SPATA17: variants seen among roughly 807,000 people sequenced by gnomAD.
SPATA17 encodes the protein spermatogenesis associated 17, also known as spermatogenesis-associated protein 17.
Under a neutral mutation model 62.2 loss-of-function variants are expected in SPATA17, and 53 were observed. That is an observed-to-expected ratio of 0.85 (90% CI 0.68 to 1.07). The LOEUF (loss-of-function observed/expected upper bound fraction) is 1.07, where lower values mean the gene tolerates loss of function less well. Ranked by LOEUF, SPATA17 falls within the 50% of genes least tolerant of loss-of-function variation. SPATA17 has a pLI of 0.00. For synonymous variants in SPATA17, 146 were observed against 146.8 expected (o/e 0.99, Z 0.04); for missense variants, 466 against 425.5 (o/e 1.10, Z -0.84).
At chr1:217,707,296 A>C (rs985210718) in intron 5 of SPATA17, among the ~76,000 whole-genome samples, 28 of 152,190 alleles carry the variant, frequency 1.8e-4, no homozygotes, top group African/African-American at 6.0e-4. Flanking sequence ...AACTTTGCTG[A>C]AGTTGTTATC....
At chr1:217,721,125 G>T (rs1266920021) in intron 5 of SPATA17, among the ~76,000 whole-genome samples, 1 of 152,046 alleles carries the variant, frequency 6.6e-6, no homozygotes, top group Admixed American at 6.6e-5. Context: ...TAATATTCTT[G>T]GTATATTCTT....
chr1:217,689,903 T>C (rs1360327061), intron 5 of SPATA17, among the ~76,000 whole-genome samples: 5 of 151,954 alleles, frequency 3.3e-5, no homozygotes, highest in African/African-American at 4.8e-5. Context: ...CAGTTTTTCT[T>C]TTTCTTTTTT....
chr1:217,655,879 A>T (rs1255580878), intron 3 of SPATA17, among the ~76,000 whole-genome samples: 1 of 152,126 alleles, frequency 6.6e-6, no homozygotes, highest in African/African-American at 2.4e-5. Context: ...AGTAATGAGC[A>T]CCTTTAGTCC....
chr1:217,742,032 C>G lies in SPATA17; in HGVS notation c.453C>G (p.Leu151=), dbSNP rs1051633224. The part of the protein sequence containing the change: ...MKEREEKKAN[L]EREEKKRDYQ... ...AAAGAGAAGAGAAGAAGGCTAACCT[C>G]GAAAGGGAAGAGAAGAAAAGAGATT... is the stretch of plus-strand genomic sequence containing the variant. The change falls in exon 6 of 11, where the codon CTC becomes CTG. Residue 151 remains leucine, a synonymous_variant. Transcript: ENST00000366933. The G allele has an allele frequency of 6.2e-7, 1 of 1,613,822 alleles. No homozygotes were observed. Among genetic ancestry groups the G allele is most frequent in the Non-Finnish European group, 8.5e-7 (1 of 1,179,984 alleles).
chr1:217,679,405 GC>G (rs1671024054), intron 4 of SPATA17, among the ~76,000 whole-genome samples: 1 of 152,074 alleles, frequency 6.6e-6, no homozygotes, highest in Non-Finnish European at 1.5e-5. Context: ...GAGAATAAAA[GC>G]AGTTAGCATA....
At chr1:217,863,928 T>G (rs1259125852) in intron 10 of SPATA17, among the ~76,000 whole-genome samples, 1 of 152,146 alleles carries the variant, frequency 6.6e-6, no homozygotes, top group East Asian at 1.9e-4. Flanking sequence ...CACTAGGCTG[T>G]TAGAGCACAG....
At chr1:217,812,762 G>C (rs1366212934) in intron 9 of SPATA17, among the ~76,000 whole-genome samples, 1 of 152,170 alleles carries the variant, frequency 6.6e-6, no homozygotes, top group Non-Finnish European at 1.5e-5. Context: ...CCTTTTGGTT[G>C]TCAAAACATT....
In SPATA17 at chr1:217,782,261, T is replaced by G; in HGVS notation, c.811T>G (p.Leu271Val). The stretch of plus-strand genomic sequence containing the variant: ...GCGGGTGGCAGAACCAATCGATGAG[T>G]TAAAGTTGGCCAGAGAGGAGCTCAG... ...TLRVAEPIDE[L>V]KLAREELRRE... Residue 271 changes from leucine (L) to valine (V), a missense_variant, in exon 8 of 11, where the codon TTA becomes GTA. Transcript: ENST00000366933. 1 of 1,612,000 alleles carries G rather than the reference T, an allele frequency of 6.2e-7. No individual in the cohort carries two copies. The highest frequency in any genetic ancestry group is 8.5e-7 in the Non-Finnish European group (1 of 1,178,944).
intron 9 of SPATA17, among the ~76,000 whole-genome samples, chr1:217,861,216 G>T (rs1161245950): frequency 6.6e-6 from 1 of 151,632 alleles, no homozygotes; most frequent in Admixed American, 6.6e-5. Context: ...TATCTTTTAG[G>T]TCAACTAAGA....
At chr1:217,832,513 AAGCATTTG>A (rs1303908597) in intron 9 of SPATA17, among the ~76,000 whole-genome samples, 5 of 152,156 alleles carry the variant, frequency 3.3e-5, no homozygotes, top group African/African-American at 1.2e-4. Flanking sequence ...ATCAAATGTT[AAGCATTTG>A]GTGTTCTATG....
At chr1:217,853,136 C>T (rs951482795) in intron 9 of SPATA17, among the ~76,000 whole-genome samples, 3 of 151,966 alleles carry the variant, frequency 2.0e-5, no homozygotes, top group Non-Finnish European at 2.9e-5. Context: ...TGTTTATAAA[C>T]AAATCCTTCA....
chr1:217,864,760 C>CT (rs1187115899), intron 10 of SPATA17, among the ~76,000 whole-genome samples: 1 of 152,048 alleles, frequency 6.6e-6, no homozygotes, highest in Non-Finnish European at 1.5e-5. Flanking sequence ...TTGCTCTACT[C>CT]TATCAATTAC....
At chr1:217,850,928 T>G (rs951617518) in intron 9 of SPATA17, among the ~76,000 whole-genome samples, 2 of 152,130 alleles carry the variant, frequency 1.3e-5, no homozygotes, top group African/African-American at 4.8e-5. Context: ...GGTATGATTA[T>G]GCACCATAGG....
rs1558045386 is a variant in SPATA17 at position 217,774,461 on chromosome 1, A to G, written c.647A>G (p.Asp216Gly). The change falls in exon 7 of 11, where the codon GAT (aspartate) becomes GGT (glycine). Residue 216 changes from aspartate (D) to glycine (G), a missense_variant. Coordinates refer to ENST00000366933, the MANE Select transcript of SPATA17 (RefSeq NM_138796.4). ...VKQKDSTSLTDWLACTSARSF... is the reference protein window; with the variant it reads ...VKQKDSTSLTGWLACTSARSF... ...CAGAAGGACTCCACCAGCCTTACTG[A>G]TTGGCTAGCTTGTACAAGCGCCCGT... 6.2e-7 allele frequency: 1 copy of G among 1,614,104 alleles called. No homozygotes were observed. Among genetic ancestry groups the G allele is most frequent in the East Asian group, 2.2e-5 (1 of 44,860 alleles).
chr1:217,637,540 T>A (rs1020449056), intron 1 of SPATA17, among the ~76,000 whole-genome samples: 27 of 152,176 alleles, frequency 1.8e-4, no homozygotes, highest in African/African-American at 6.3e-4. Flanking sequence ...GTTCCTTAAG[T>A]TGTCCTGATT....
intron 5 of SPATA17, among the ~76,000 whole-genome samples, chr1:217,690,569 A>T (rs2102911720): frequency 7.1e-6 from 1 of 140,412 alleles, no homozygotes; most frequent in African/African-American, 2.6e-5. Flanking sequence ...TACATGTGCC[A>T]TGCTGGTGCG....
chr1:217,661,674 AATTTGCCT>A (rs1670573553), intron 3 of SPATA17, among the ~76,000 whole-genome samples: 1 of 152,000 alleles, frequency 6.6e-6, no homozygotes, highest in Non-Finnish European at 1.5e-5. Context: ...ACATAACCCA[AATTTGCCT>A]ATCTTAGGGG....
rs188622236 is a variant in SPATA17 at position 217,685,950 on chromosome 1, T to C, written c.395+2589T>C. 1.5e-4 allele frequency among the ~76,000 whole-genome samples: 23 copies of C among 152,302 alleles called. No homozygotes were observed. In the East Asian group the frequency reaches 4.0e-3, roughly 27 times the overall value. ...ACTTGTTCTATTTTATTTTTTGTTA[T>C]TGATGCTAATCTCTTACTGTGCCTA... On this transcript the variant is annotated intron_variant, in intron 5 of 10. Coordinates refer to ENST00000366933, the MANE Select transcript of SPATA17 (RefSeq NM_138796.4).
intron 9 of SPATA17, among the ~76,000 whole-genome samples, chr1:217,840,640 T>C (rs1310499364): frequency 1.3e-5 from 2 of 151,952 alleles, no homozygotes; most frequent in African/African-American, 4.8e-5. Context: ...GGCAGATCGA[T>C]TGAGCCCAGG....
Sources: allele counts gnomAD v4.1 joint callset (sites outside exome capture counted in the v4.1 genomes callset), GRCh38; gene constraint gnomAD v4.1.1; transcripts MANE v1.5; gene names NCBI Gene and HGNC (gene_info 2026-07-23, HGNC 2026-07-21).